TFCP2L1: variants seen among roughly 807,000 people sequenced by gnomAD.
The protein encoded by TFCP2L1 is transcription factor CP2 like 1.
Under a neutral mutation model 72.2 loss-of-function variants are expected in TFCP2L1, and 12 were observed. The observed-to-expected ratio is 0.17, with a 90% CI of 0.11 to 0.27. TFCP2L1 has a LOEUF of 0.27. Among genes scored for constraint, TFCP2L1 ranks in the 10% least tolerant of loss-of-function variants. The pLI is 1.00. For synonymous variants in TFCP2L1, 260 were observed against 251.0 expected, an observed-to-expected ratio of 1.04 and a Z score of -0.34; for missense variants, 488 against 624.6, an observed-to-expected ratio of 0.78 and a Z score of 2.33.
Position 121,246,858 on chromosome 2 carries a change from T to G in TFCP2L1, c.617A>C (p.Glu206Ala), listed in dbSNP as rs1686497940. Reference protein sequence around the residue: ...FKQNENGEYTEHLHSASCQIK... With the variant: ...FKQNENGEYTAHLHSASCQIK... ...CTGGCAGCTGGCTGAGTGCAGGTGC[T>G]CCGTGTACTCCCCATTCTCGTTCTG... The change falls in exon 6 of 15, where the codon GAG (glutamate) becomes GCG (alanine). Residue 206 changes from glutamate to alanine, a missense_variant. Glu to Ala is a moderately radical substitution (Grantham distance 107). Transcript: ENST00000263707. 1 of 1,614,156 alleles carries G rather than the reference T, an allele frequency of 6.2e-7. No individual in the cohort carries two copies. The highest frequency in any genetic ancestry group is 1.3e-5 in the African/African-American group (1 of 75,040).
chr2:121,256,544 G>A (rs1181761358), intron 2 of TFCP2L1, among the ~76,000 whole-genome samples: 1 of 152,130 alleles, frequency 6.6e-6, no homozygotes, highest in South Asian at 2.1e-4. Flanking sequence ...TTGGGAGGCC[G>A]AGGTGGGAGA....
intron 13 of TFCP2L1, among the ~76,000 whole-genome samples, chr2:121,226,636 T>A (rs1686036812): frequency 6.6e-6 from 1 of 152,164 alleles, no homozygotes; most frequent in South Asian, 2.1e-4. Flanking sequence ...CTCAGGAGCC[T>A]CCTCTCTGGA....
chr2:121,265,905 G>C (rs991120530), intron 2 of TFCP2L1, among the ~76,000 whole-genome samples: 1 of 149,412 alleles, frequency 6.7e-6, no homozygotes. Context: ...TCACTCTGTG[G>C]CCCAGGCTGA....
chr2:121,237,714 G>A lies in TFCP2L1; in HGVS notation c.912C>T (p.His304=), dbSNP rs777622009. Residue 304 remains histidine (H), a splice_region_variant and synonymous_variant, in exon 10 of 15, where the codon CAC becomes CAT. Coordinates refer to ENST00000263707, the MANE Select transcript of TFCP2L1 (RefSeq NM_014553.3). The part of the protein sequence containing the change: ...PVEALPVGSD[H]LLPSASIQDA... ...CCTGGATCGAAGCTGATGGGAGCAGGTGCTGTGAGCAGAGGGGAGAGGCCT... is the reference window on the plus strand; with the variant it reads ...CCTGGATCGAAGCTGATGGGAGCAGATGCTGTGAGCAGAGGGGAGAGGCCT... 7 of 1,614,106 alleles carry A rather than the reference G, an allele frequency of 4.3e-6. No homozygotes were observed. The highest frequency in any genetic ancestry group is 5.9e-6 in the Non-Finnish European group (7 of 1,180,060).
chr2:121,225,022 G>C (rs1382031132), intron 14 of TFCP2L1, among the ~76,000 whole-genome samples: 1 of 151,222 alleles, frequency 6.6e-6, no homozygotes, highest in Non-Finnish European at 1.5e-5. Flanking sequence ...CTAGATCCAC[G>C]GGACAAGGTG....
chr2:121,274,334 T>C (rs1375400784), intron 2 of TFCP2L1, among the ~76,000 whole-genome samples: 1 of 152,104 alleles, frequency 6.6e-6, no homozygotes, highest in African/African-American at 2.4e-5. Flanking sequence ...AATCCAAAAA[T>C]CCAAAACCTG....
intron 2 of TFCP2L1, among the ~76,000 whole-genome samples, chr2:121,259,850 C>G (rs577750850): frequency 6.6e-6 from 1 of 152,126 alleles, no homozygotes; most frequent in South Asian, 2.1e-4. Context: ...TGAAAAAAAA[C>G]AACTAGGGAT....
rs1435452820 is a variant in TFCP2L1, at chr2:121,237,646, C to A, written c.980G>T (p.Cys327Phe). ...WLHRNRFSQF[C>F]RLFASFSGAD... ...ACCTGAGAAGCTGGCAAAGAGCCGG[C>A]AGAACTGCGAGAACCTGTTGCGGTG... The change falls in exon 10 of 15, where the codon TGC becomes TTC. Residue 327 changes from cysteine (C) to phenylalanine (F), a missense_variant. Transcript: ENST00000263707. The A allele has an allele frequency of 6.2e-7, 1 of 1,614,078 alleles. No homozygotes were observed. The highest frequency in any genetic ancestry group is 1.3e-5 in the African/African-American group (1 of 74,946).
chr2:121,249,657 G>C lies in TFCP2L1; in HGVS notation c.215-10C>G. On this transcript the variant is annotated splice_polypyrimidine_tract_variant and intron_variant, in intron 2 of 14. Transcript: ENST00000263707. ...ATTTCATAAGACTGACCTGGATGGGGGTTAAAAGGACATTTTCCATTTCTG... is the reference window on the plus strand; with the variant it reads ...ATTTCATAAGACTGACCTGGATGGGCGTTAAAAGGACATTTTCCATTTCTG... 3 of 1,613,850 alleles carry C rather than the reference G, an allele frequency of 1.9e-6. No homozygotes were observed. The highest frequency in any genetic ancestry group is 2.5e-6 in the Non-Finnish European group (3 of 1,179,758).
intron 4 of TFCP2L1, 101 bp downstream of exon 4, chr2:121,248,880 TA>T: frequency 1.1e-6 from 1 of 921,154 alleles, no homozygotes; most frequent in Non-Finnish European, 1.6e-6. Flanking sequence ...AGGTGCAAGC[TA>T]AAACGCCTTC....
At chr2:121,250,365 C>T (rs2713206) in intron 2 of TFCP2L1, among the ~76,000 whole-genome samples, 27,388 of 131,360 alleles carry the variant, frequency 0.21, 2,725 homozygotes, top group East Asian at 0.47. Flanking sequence ...TATATATATA[C>T]ACACACACAC....
In TFCP2L1 at chr2:121,224,502, C is replaced by G. The variant is rs181055925; in HGVS notation, c.1394-115G>C. 2,242 of 965,930 alleles carry G rather than the reference C, an allele frequency of 2.3e-3. 12 individuals carry two copies. The highest frequency in any genetic ancestry group is 2.5e-3 in the Non-Finnish European group (1,528 of 623,518). The allele number at this position is 965,930 out of a possible 1,614,324, so 59.8% of individuals were successfully genotyped here. On this transcript the variant is annotated intron_variant, in intron 14 of 14. Transcript: ENST00000263707. ...ATCAGCAAAGACCACCAAAATAGGG[C>G]TGCATACAGCAAAGCGTGCTGGCAG... is the stretch of plus-strand genomic sequence containing the variant.
intron 1 of TFCP2L1, among the ~76,000 whole-genome samples, chr2:121,281,704 T>C (rs947642301): frequency 6.6e-6 from 1 of 152,116 alleles, no homozygotes; most frequent in African/African-American, 2.4e-5. Context: ...ACAATTCCAT[T>C]TACCGGCCAC....
Position 121,281,262 on chromosome 2 carries a change from G to T in TFCP2L1, c.72C>A (p.Leu24=), listed in dbSNP as rs370644967. 1.9e-6 allele frequency: 3 copies of T among 1,604,660 alleles called. No homozygotes were observed. Among genetic ancestry groups the T allele is most frequent in the South Asian group, 1.1e-5 (1 of 89,994 alleles). The part of the protein sequence containing the change: ...HNSGSYLRDV[L]ALPIFKQEEP... ...CCTCCTGCTTGAAGATGGGCAGAGC[G>T]AGCACATCACTGCAACACACGGGAA... is the stretch of plus-strand genomic sequence containing the variant. Residue 24 remains leucine, a synonymous_variant, in exon 2 of 15, where the codon CTC becomes CTA. Coordinates refer to ENST00000263707, the MANE Select transcript of TFCP2L1 (RefSeq NM_014553.3).
At chr2:121,236,617 T>C (rs1270964483) in intron 10 of TFCP2L1, among the ~76,000 whole-genome samples, 1 of 152,152 alleles carries the variant, frequency 6.6e-6, no homozygotes, top group Non-Finnish European at 1.5e-5. Context: ...ATGGCTTCCT[T>C]TCCACTGGGA....
chr2:121,233,464 C>G (rs112453081), intron 12 of TFCP2L1, among the ~76,000 whole-genome samples: 6 of 152,172 alleles, frequency 3.9e-5, no homozygotes, highest in African/African-American at 1.4e-4. Flanking sequence ...GGCGCCCAGC[C>G]TACTTTTTCA....
At chr2:121,225,431 G>A (rs949385718) in intron 14 of TFCP2L1, 131 bp downstream of exon 14, 63 of 863,982 alleles carry the variant, frequency 7.3e-5, no homozygotes, top group Admixed American at 7.1e-4. Context: ...TAGCTTTCAC[G>A]GAGAGTTTGT....
At chr2:121,257,532 A>G (rs1285895725) in intron 2 of TFCP2L1, among the ~76,000 whole-genome samples, 2 of 151,932 alleles carry the variant, frequency 1.3e-5, no homozygotes, top group Non-Finnish European at 2.9e-5. Flanking sequence ...GGCAGGGGGG[A>G]GGCCAGATAA....
Position 121,220,795 on chromosome 2 carries a change from T to G in TFCP2L1, c.*3546A>C, listed in dbSNP as rs1287426476. ...GGGATGAGCTGCTAAATTAGGCAGC[T>G]GAGATATTTTGGTACCAAATTACCA... On this transcript the variant is annotated 3_prime_UTR_variant, in exon 15 of 15. Transcript: ENST00000263707. 6.6e-6 allele frequency: 1 copy of G among 152,220 alleles called. No homozygotes were observed. Among genetic ancestry groups the G allele is most frequent in the African/African-American group, 2.4e-5 (1 of 41,462 alleles). The allele number at this position is 152,220 out of a possible 1,614,324, so 9.4% of individuals were successfully genotyped here. A position where few individuals can be genotyped will look rare whatever the true frequency, so the allele number is the denominator to read the frequency against.
Sources: gnomAD v4.1 joint callset for allele counts (sites outside exome capture counted in the v4.1 genomes callset) on GRCh38, gnomAD v4.1.1 for gene constraint, MANE v1.5 for transcripts, NCBI Gene and HGNC (gene_info 2026-07-23, HGNC 2026-07-21) for gene names.